PCDHGB2: variants seen among roughly 807,000 people sequenced by gnomAD.
PCDHGB2 encodes the protein protocadherin gamma-B2.
In PCDHGB2, 55 loss-of-function variants were observed where a neutral mutation model predicts 59.3. The observed-to-expected ratio is 0.93, with a 90% CI of 0.75 to 1.16. The LOEUF is 1.16. Ranked by LOEUF, PCDHGB2 falls within the 50% of genes most tolerant of loss-of-function variation. The probability of loss-of-function intolerance (pLI) is 0.00; values close to 1 mark genes in which losing one functional copy is unlikely to be tolerated. For synonymous variants in PCDHGB2, 516 were observed against 512.0 expected (o/e 1.01, Z -0.11); for missense variants, 1,228 against 1,198.5 (o/e 1.02, Z -0.36).
intron 1 of PCDHGB2, among the ~76,000 whole-genome samples, chr5:141,402,117 A>G (rs1344939045): frequency 6.6e-6 from 1 of 152,172 alleles, no homozygotes; most frequent in Non-Finnish European, 1.5e-5. Context: ...AAATGTGAAA[A>G]TTTCCAACTT....
At chr5:141,428,987 T>G (rs1185184865) in intron 1 of PCDHGB2, 2 of 152,288 alleles carry the variant, frequency 1.3e-5, no homozygotes, top group Non-Finnish European at 2.9e-5. Context: ...CCCGGGTAGC[T>G]GGGACTACAG....
At chr5:141,503,241 A>G (rs1399557839) in intron 2 of PCDHGB2, among the ~76,000 whole-genome samples, 1 of 152,074 alleles carries the variant, frequency 6.6e-6, no homozygotes, top group Non-Finnish European at 1.5e-5. Context: ...GACAGTTTCT[A>G]TCATACTCAC....
intron 1 of PCDHGB2, chr5:141,403,224 A>G (rs753308307): frequency 2.0e-5 from 32 of 1,613,820 alleles, no homozygotes; most frequent in Non-Finnish European, 2.5e-5. Context: ...GGTAGGATAG[A>G]CCGGGAGGAG....
chr5:141,367,935 G>A (rs951282993), intron 1 of PCDHGB2, among the ~76,000 whole-genome samples: 2 of 152,044 alleles, frequency 1.3e-5, no homozygotes, highest in African/African-American at 4.8e-5. Flanking sequence ...CTTAAAGATG[G>A]TTCAAAATTT....
At position 141,511,219 on chromosome 5, in the gene PCDHGB2, G is replaced by A. The variant is rs1467284181; in HGVS notation, c.*46G>A. On this transcript the variant is annotated 3_prime_UTR_variant, in exon 4 of 4. Coordinates refer to ENST00000522605, the MANE Select transcript of PCDHGB2 (RefSeq NM_018923.3). ...CCACAGGGCGGCCTCTCCCCAACCA[G>A]CCCAGCTTCTCCTTACCTGCACCCA... 5 of 1,606,366 alleles carry A rather than the reference G, an allele frequency of 3.1e-6. No individual in the cohort carries two copies. The highest frequency in any genetic ancestry group is 2.7e-5 in the African/African-American group (2 of 74,686).
At chr5:141,454,567 C>T (rs572130062) in intron 1 of PCDHGB2, among the ~76,000 whole-genome samples, 10 of 150,966 alleles carry the variant, frequency 6.6e-5, no homozygotes, top group South Asian at 2.1e-4. Context: ...CCACCACGCC[C>T]GGCTAATTTT....
chr5:141,414,087 A>G (rs377653676), intron 1 of PCDHGB2: 31 of 1,599,656 alleles, frequency 1.9e-5, no homozygotes, highest in Middle Eastern at 3.3e-4. Context: ...ATACTGGAGA[A>G]ATAAAAATAT....
chr5:141,477,433 C>T lies in PCDHGB2; in HGVS notation c.2422-17374C>T, dbSNP rs1389102640. On this transcript the variant is annotated intron_variant, in intron 1 of 3. Transcript: ENST00000522605. The surrounding 1 kb of genome is among the most constrained non-coding windows in gnomAD (Gnocchi z 4.9). ...ACGCCGGAACCCCTTCCCTCTCAGCCCTTACAATAGTGCGTGTTCAAGTGT... is the reference window on the plus strand; with the variant it reads ...ACGCCGGAACCCCTTCCCTCTCAGCTCTTACAATAGTGCGTGTTCAAGTGT... 6.2e-7 allele frequency: 1 copy of T among 1,614,048 alleles called. No individual in the cohort carries two copies. The highest frequency in any genetic ancestry group is 2.2e-5 in the East Asian group (1 of 44,892).
chr5:141,507,151 G>C (rs1423834553), intron 3 of PCDHGB2: 2 of 152,192 alleles, frequency 1.3e-5, no homozygotes, highest in African/African-American at 4.8e-5. Context: ...TATTACCTGA[G>C]CAGGATGAGA....
intron 3 of PCDHGB2, among the ~76,000 whole-genome samples, chr5:141,508,986 G>C (rs1298630784): frequency 2.0e-5 from 3 of 152,148 alleles, no homozygotes; most frequent in Non-Finnish European, 4.4e-5. Context: ...GTGGGGGCCA[G>C]CTGGGGTAGG....
intron 1 of PCDHGB2, chr5:141,393,519 A>G: frequency 6.2e-7 from 1 of 1,614,036 alleles, no homozygotes; most frequent in African/African-American, 1.3e-5. Flanking sequence ...GTTGGATACA[A>G]ATGACAATGC....
At chr5:141,371,175 G>C (rs753971437) in intron 1 of PCDHGB2, 2 of 1,613,886 alleles carry the variant, frequency 1.2e-6, no homozygotes, top group African/African-American at 2.7e-5. Context: ...TGGCTCCTCC[G>C]TATTAAAAGT....
At chr5:141,475,980 C>T (rs758066578) in intron 1 of PCDHGB2, 45 of 1,028,498 alleles carry the variant, frequency 4.4e-5, no homozygotes, top group Non-Finnish European at 6.2e-5. Flanking sequence ...ACTGAACAGC[C>T]GGCGAGCAAA....
intron 1 of PCDHGB2, chr5:141,421,544 A>G (rs2096582597): frequency 6.2e-7 from 1 of 1,613,912 alleles, no homozygotes; most frequent in African/African-American, 1.3e-5. Context: ...TGTTTTTTAA[A>G]TATGGAACTT....
rs1192987646 is a variant in PCDHGB2, at chr5:141,423,758, G to A, written c.2421+61202G>A. Reference sequence around the variant, plus strand: ...CTGTTATGAAAACTGTTTGGGGGGGGGGTGGGGCGGCATATATTTAGTTCA... The same window carrying A: ...CTGTTATGAAAACTGTTTGGGGGGGAGGTGGGGCGGCATATATTTAGTTCA... On this transcript the variant is annotated intron_variant, in intron 1 of 3. Coordinates refer to ENST00000522605, the MANE Select transcript of PCDHGB2 (RefSeq NM_018923.3). 8.2e-5 allele frequency: 30 copies of A among 366,770 alleles called. 3 individuals are homozygous for A. Among genetic ancestry groups the A allele is most frequent in the Non-Finnish European group, 1.1e-4 (29 of 259,742 alleles). The allele number at this position is 366,770 out of a possible 1,614,324, so 22.7% of individuals were successfully genotyped here.
intron 1 of PCDHGB2, chr5:141,423,750 TGGGGG>T: frequency 5.2e-5 from 15 of 287,416 alleles, no homozygotes; most frequent in Non-Finnish European, 6.3e-5. Context: ...GAAAACTGTT[TGGGGG>T]GGGGGTGGGG....
At position 141,363,638 on chromosome 5, in the gene PCDHGB2, C is replaced by A. The variant is rs116516403; in HGVS notation, c.2421+1082C>A. ...TGGAGAGACTTTCTCAAAGTCCTCA[C>A]AAGTAACAAAGATCTTTATTTCTTC... On this transcript the variant is annotated intron_variant, in intron 1 of 3. Coordinates refer to ENST00000522605, the MANE Select transcript of PCDHGB2 (RefSeq NM_018923.3). 6.6e-4 allele frequency among the ~76,000 whole-genome samples: 101 copies of A among 152,308 alleles called. 1 individual carries two copies. The highest frequency in any genetic ancestry group is 2.4e-3 in the African/African-American group (100 of 41,570).
At chr5:141,418,535 G>GC in intron 1 of PCDHGB2, 1 of 1,614,002 alleles carries the variant, frequency 6.2e-7, no homozygotes, top group Non-Finnish European at 8.5e-7. Context: ...AAGCGGTACT[G>GC]CTCAGATAAG....
intron 1 of PCDHGB2, among the ~76,000 whole-genome samples, chr5:141,456,135 G>A (rs1422353665): frequency 6.6e-6 from 1 of 152,052 alleles, no homozygotes; most frequent in Non-Finnish European, 1.5e-5. Context: ...CTGACCTCCT[G>A]ATCCGCCCGC....
Sources: gnomAD v4.1 joint callset for allele counts (sites outside exome capture counted in the v4.1 genomes callset) on GRCh38, gnomAD v4.1.1 for gene constraint, Gnocchi (gnomAD v3.1) non-coding constraint, MANE v1.5 for transcripts, NCBI Gene and HGNC (gene_info 2026-07-23, HGNC 2026-07-21) for gene names.